The following PCDH9 variants were observed in gnomAD, a reference collection of about 807,000 sequenced individuals.
PCDH9 encodes the protein protocadherin-9.
PCDH9 carries 24 observed loss-of-function variants against 70.6 expected under a neutral mutation model. The observed-to-expected ratio is 0.34, with a 90% CI of 0.25 to 0.48. PCDH9 has a LOEUF of 0.48. Ranked by LOEUF, PCDH9 falls within the 20% of genes least tolerant of loss-of-function variation. The pLI is 0.99. For missense variants in PCDH9, 1,281 were observed against 1,503.6 expected, an observed-to-expected ratio of 0.85 and a Z score of 2.45; for synonymous variants, 562 against 558.5, an observed-to-expected ratio of 1.01 and a Z score of -0.09.
chr13:66,965,427 C>T (rs1179017703), intron 2 of PCDH9, among the ~76,000 whole-genome samples: 3 of 152,022 alleles, frequency 2.0e-5, no homozygotes, highest in Non-Finnish European at 4.4e-5. Flanking sequence ...CATCTTTCCT[C>T]GCTAGCATTT....
chr13:66,545,260 TG>T (rs1308358038), intron 4 of PCDH9, among the ~76,000 whole-genome samples: 1 of 152,232 alleles, frequency 6.6e-6, no homozygotes, highest in Non-Finnish European at 1.5e-5. Context: ...TGTTTTATCC[TG>T]TTTAAAATAT....
At chr13:67,115,834 G>A (rs1033154514) in intron 2 of PCDH9, among the ~76,000 whole-genome samples, 2 of 151,970 alleles carry the variant, frequency 1.3e-5, no homozygotes, top group Non-Finnish European at 2.9e-5. Flanking sequence ...TAAAATATTT[G>A]ACAGGTTTTC....
At chr13:66,340,937 T>A (rs1956113938) in intron 4 of PCDH9, among the ~76,000 whole-genome samples, 1 of 152,162 alleles carries the variant, frequency 6.6e-6, no homozygotes, top group Non-Finnish European at 1.5e-5. Flanking sequence ...CAGGGGGAAA[T>A]TATTTAACAT....
chr13:66,378,530 C>T (rs1370269110), intron 4 of PCDH9, among the ~76,000 whole-genome samples: 2 of 152,126 alleles, frequency 1.3e-5, no homozygotes, highest in African/African-American at 2.4e-5. Context: ...AAATGAGAAA[C>T]CTGAAAACCT....
chr13:66,974,878 A>G, intron 2 of PCDH9, among the ~76,000 whole-genome samples: 1 of 151,998 alleles, frequency 6.6e-6, no homozygotes, highest in East Asian at 1.9e-4. Flanking sequence ...TGAACTATTC[A>G]CCTTTTCTGC....
chr13:66,662,141 A>T (rs913777835), intron 3 of PCDH9, among the ~76,000 whole-genome samples: 7 of 152,130 alleles, frequency 4.6e-5, no homozygotes, highest in African/African-American at 1.7e-4. Context: ...AGCAACATCA[A>T]AACAAATATC....
chr13:66,627,199 G>A (rs1299952909), intron 4 of PCDH9, among the ~76,000 whole-genome samples: 1 of 152,000 alleles, frequency 6.6e-6, no homozygotes, highest in African/African-American at 2.4e-5. Flanking sequence ...TACTTCTACA[G>A]ATCATACTGA....
At chr13:66,572,505 C>T (rs2076746728) in intron 4 of PCDH9, among the ~76,000 whole-genome samples, 1 of 152,054 alleles carries the variant, frequency 6.6e-6, no homozygotes, top group South Asian at 2.1e-4. Flanking sequence ...AACATAATGT[C>T]CTCCAGGCTC....
chr13:67,070,999 A>C (rs2085750700), intron 2 of PCDH9, among the ~76,000 whole-genome samples: 1 of 152,102 alleles, frequency 6.6e-6, no homozygotes, highest in South Asian at 2.1e-4. Flanking sequence ...TAGCAAATTG[A>C]GGCAATAATC....
chr13:67,066,792 A>T, intron 2 of PCDH9, among the ~76,000 whole-genome samples: 1 of 152,178 alleles, frequency 6.6e-6, no homozygotes, highest in Non-Finnish European at 1.5e-5. Context: ...TTTCCACATT[A>T]GCAAACATCT....
chr13:66,559,731 C>T lies in PCDH9; in HGVS notation c.3340+71479G>A, dbSNP rs993484063. ...AGGAGAATGGCATGAACCCAGGAGG[C>T]GGAGCTTGCAGTGAGCTGAGATCGT... On this transcript the variant is annotated intron_variant, in intron 4 of 4. Coordinates refer to ENST00000377865, the MANE Select transcript of PCDH9 (RefSeq NM_203487.3). Among the ~76,000 whole-genome samples, 11 of 140,826 alleles carry T rather than the reference C, an allele frequency of 7.8e-5. 1 individual carries two copies. The highest frequency in any genetic ancestry group is 2.4e-4 in the South Asian group (1 of 4,224). 92.4% of individuals were successfully genotyped at this position (140,826 alleles called of 152,430 possible). A position where few individuals can be genotyped will look rare whatever the true frequency, so the allele number is the denominator to read the frequency against.
chr13:66,473,369 C>A (rs1191636994), intron 4 of PCDH9, among the ~76,000 whole-genome samples: 1 of 149,182 alleles, frequency 6.7e-6, no homozygotes, highest in African/African-American at 2.5e-5. Flanking sequence ...AAGTTAATAA[C>A]AATAAAGCTA....
At chr13:66,443,309 A>G (rs1958008277) in intron 4 of PCDH9, among the ~76,000 whole-genome samples, 1 of 152,228 alleles carries the variant, frequency 6.6e-6, no homozygotes, top group Non-Finnish European at 1.5e-5. Context: ...TGTGCTGCTG[A>G]AGTGAGCAAA....
intron 4 of PCDH9, among the ~76,000 whole-genome samples, chr13:66,313,462 G>A (rs1226508988): frequency 1.3e-5 from 2 of 152,176 alleles, no homozygotes; most frequent in African/African-American, 4.8e-5. Flanking sequence ...AAGCAGTGAA[G>A]TAATAATACT....
intron 2 of PCDH9, among the ~76,000 whole-genome samples, chr13:67,161,619 T>A (rs541419507): frequency 6.6e-6 from 1 of 152,280 alleles, no homozygotes; most frequent in South Asian, 2.1e-4. Flanking sequence ...CACATGCAGA[T>A]CTATTTTTTG....
chr13:66,759,755 T>C (rs1412930855), intron 3 of PCDH9, among the ~76,000 whole-genome samples: 1 of 67,440 alleles, frequency 1.5e-5, no homozygotes, highest in Non-Finnish European at 3.2e-5. Flanking sequence ...CCACTTCATT[T>C]TGAATTTTTG....
intron 3 of PCDH9, among the ~76,000 whole-genome samples, chr13:66,735,425 T>G (rs1164064996): frequency 3.9e-5 from 6 of 152,152 alleles, no homozygotes; most frequent in Non-Finnish European, 7.3e-5. Flanking sequence ...ATATACCATA[T>G]CACATACATT....
intron 2 of PCDH9, among the ~76,000 whole-genome samples, chr13:67,169,818 T>C (rs769453456): frequency 6.6e-6 from 1 of 152,218 alleles, no homozygotes; most frequent in African/African-American, 2.4e-5. Flanking sequence ...TTTACTCTTC[T>C]GTATTTTTTG....
rs368103740 is a variant in PCDH9 at position 66,984,763 on chromosome 13, T to C, written c.3037-81158A>G. ...TCCATTAAATGACTTTGACCATCAT[T>C]TTCTCTTTTAGCAAAATAATTTACA... On this transcript the variant is annotated intron_variant, in intron 2 of 4. Coordinates refer to ENST00000377865, the MANE Select transcript of PCDH9 (RefSeq NM_203487.3). Among the ~76,000 whole-genome samples the C allele has an allele frequency of 1.1e-4, 16 of 152,274 alleles. No homozygotes were observed. In the East Asian group the frequency reaches 2.9e-3, roughly 28 times the overall value.
Sources: gnomAD v4.1 joint callset for allele counts (sites outside exome capture counted in the v4.1 genomes callset) on GRCh38, gnomAD v4.1.1 for gene constraint, MANE v1.5 for transcripts, NCBI Gene and HGNC (gene_info 2026-07-23, HGNC 2026-07-21) for gene names.